Variants in TRIM67 observed in about 807,000 individuals in gnomAD.
TRIM67 encodes tripartite motif containing 67, also known as tripartite motif-containing protein 67.
A neutral mutation model predicts 71.0 loss-of-function variants in TRIM67; 39 were observed. The observed-to-expected ratio is 0.55, with a 90% CI of 0.43 to 0.72. The LOEUF (loss-of-function observed/expected upper bound fraction) is 0.72, where lower values mean the gene tolerates loss of function less well. Among genes scored for constraint, TRIM67 ranks in the 30% least tolerant of loss-of-function variants. The pLI is 0.00. For synonymous variants in TRIM67, 481 were observed against 473.9 expected, an observed-to-expected ratio of 1.01 and a Z score of -0.19; for missense variants, 973 against 1,079.2, an observed-to-expected ratio of 0.90 and a Z score of 1.38.
In TRIM67 at chr1:231,163,989, G is replaced by A. The variant is rs1682380895; in HGVS notation, c.1020G>A (p.Leu340=). The A allele has an allele frequency of 1.3e-6, 2 of 1,569,698 alleles. No homozygotes were observed. Residue 340 remains leucine, a synonymous_variant, in exon 1 of 10, where the codon CTG becomes CTA. Coordinates refer to ENST00000366653, the MANE Select transcript of TRIM67 (RefSeq NM_001004342.5). ...ACGCCAAGCACGAGGTGAAGCCGCT[G>A]GGGGCCATGTGGAAGCAGCACAAGG... is the stretch of plus-strand genomic sequence containing the variant. ...GRHAKHEVKP[L]GAMWKQHKAQ...
chr1:231,185,956 G>A (rs758193014), intron 1 of TRIM67: 25 of 773,866 alleles, frequency 3.2e-5, no homozygotes, highest in Admixed American at 2.3e-4. Context: ...CGTGACAGCC[G>A]GGACAAGGGC....
At chr1:231,208,410 G>A (rs966986316) in intron 7 of TRIM67, among the ~76,000 whole-genome samples, 16 of 152,008 alleles carry the variant, frequency 1.1e-4, no homozygotes, top group African/African-American at 3.6e-4. Flanking sequence ...TCCTGACCTC[G>A]TGATCCTCCC....
At position 231,163,877 on chromosome 1, in the gene TRIM67, G is replaced by A; in HGVS notation, c.908G>A (p.Cys303Tyr). 1 of 1,576,146 alleles carries A rather than the reference G, an allele frequency of 6.3e-7. No homozygotes were observed. ...AGCACGGCCCGCAAGTTCCCCACGT[G>A]TCCCGAGCATGAAATGGAGAACTAC... is the stretch of plus-strand genomic sequence containing the variant. ...GGSTARKFPT[C>Y]PEHEMENYSM... Residue 303 changes from cysteine to tyrosine, a missense_variant, in exon 1 of 10, where the codon TGT becomes TAT. Around this residue, in one of 2 missense-constraint regions of TRIM67, gnomAD observed 795 missense variants for 831.3 expected, o/e 0.96. Coordinates refer to ENST00000366653, the MANE Select transcript of TRIM67 (RefSeq NM_001004342.5).
intron 1 of TRIM67, among the ~76,000 whole-genome samples, chr1:231,169,337 G>A (rs971348366): frequency 6.7e-6 from 1 of 148,888 alleles, no homozygotes; most frequent in Admixed American, 6.7e-5. Flanking sequence ...TTACAGGTGT[G>A]AGCCACTGCA....
At chr1:231,202,440 G>A (rs1683580646) in intron 5 of TRIM67, among the ~76,000 whole-genome samples, 1 of 152,148 alleles carries the variant, frequency 6.6e-6, no homozygotes, top group Admixed American at 6.5e-5. Context: ...GAAGGTCAGA[G>A]GTGAGAGCAG....
rs539363154 is a variant in TRIM67 at position 231,218,495 on chromosome 1, C to A, written c.*3055C>A. On this transcript the variant is annotated 3_prime_UTR_variant, in exon 10 of 10. Coordinates refer to ENST00000366653, the MANE Select transcript of TRIM67 (RefSeq NM_001004342.5). Reference sequence around the variant, plus strand: ...TATGCCTTTTCCTTTTAAAATTAATCTCTTCCGAAAATATCCACTAGCACC... The same window carrying A: ...TATGCCTTTTCCTTTTAAAATTAATATCTTCCGAAAATATCCACTAGCACC... 1.8e-5 allele frequency: 18 copies of A among 985,456 alleles called. No homozygotes were observed. The East Asian group carries it at 1.2e-3, about 68-fold the overall frequency. The allele number at this position is 985,456 out of a possible 1,614,324, so 61.0% of individuals were successfully genotyped here.
chr1:231,185,642 G>A (rs1025517776), intron 1 of TRIM67, among the ~76,000 whole-genome samples: 1 of 151,946 alleles, frequency 6.6e-6, no homozygotes, highest in Non-Finnish European at 1.5e-5. Context: ...CACGAAATCA[G>A]TGAATTCAGA....
rs376677883 is a variant in TRIM67 at position 231,163,449 on chromosome 1, G to T, written c.480G>T (p.Pro160=). 3 of 1,539,724 alleles carry T rather than the reference G, an allele frequency of 1.9e-6. No homozygotes were observed. Among genetic ancestry groups the T allele is most frequent in the South Asian group, 1.2e-5 (1 of 83,090 alleles). ...CGTCTTCGAGCTCCATCACGTGCCC[G>T]CAGTGCCACCGCAGCGCATCCCTGG... ...LSSSSSSITC[P]QCHRSASLDH... The change falls in exon 1 of 10, where the codon CCG becomes CCT. Residue 160 remains proline (P), a synonymous_variant. Transcript: ENST00000366653.
chr1:231,184,677 A>G, intron 1 of TRIM67: 1 of 345,010 alleles, frequency 2.9e-6, no homozygotes, highest in East Asian at 6.5e-5. Flanking sequence ...ATAGAGGATA[A>G]TGGAAGGTCA....
chr1:231,165,212 C>T (rs1190870303), intron 1 of TRIM67, among the ~76,000 whole-genome samples: 1 of 152,150 alleles, frequency 6.6e-6, no homozygotes, highest in African/African-American at 2.4e-5. Flanking sequence ...CACAGGAAAA[C>T]TCCCCAAAAC....
Position 231,163,672 on chromosome 1 carries a change from C to T in TRIM67, c.703C>T (p.Gln235Ter), listed in dbSNP as rs1345697560. Residue 235 changes from glutamine (Q) to a stop codon, truncating the protein, a stop_gained, in exon 1 of 10, where the codon CAG becomes TAG. Transcript: ENST00000366653. LOFTEE classifies it high-confidence loss of function. ...QCDVLYCSACQLKCHPSRGPF... is the reference protein window; with the variant it reads ...QCDVLYCSAC Reference sequence around the variant, plus strand: ...CGACGTCCTCTACTGCTCTGCCTGCCAGCTCAAGTGCCATCCATCCCGGGG... The same window carrying T: ...CGACGTCCTCTACTGCTCTGCCTGCTAGCTCAAGTGCCATCCATCCCGGGG... 2.6e-6 allele frequency: 4 copies of T among 1,517,298 alleles called. No homozygotes were observed. The highest frequency in any genetic ancestry group is 3.5e-6 in the Non-Finnish European group (4 of 1,134,334). 94.0% of individuals were successfully genotyped at this position (1,517,298 alleles called of 1,614,324 possible). A position where few individuals can be genotyped will look rare whatever the true frequency, so the allele number is the denominator to read the frequency against.
At chr1:231,207,737 A>T (rs767001017) in intron 7 of TRIM67, among the ~76,000 whole-genome samples, 3 of 152,162 alleles carry the variant, frequency 2.0e-5, no homozygotes, top group Non-Finnish European at 2.9e-5. Context: ...GTCACTTTGT[A>T]CACCCCTAGA....
At chr1:231,165,616 A>G (rs1682439160) in intron 1 of TRIM67, among the ~76,000 whole-genome samples, 1 of 152,218 alleles carries the variant, frequency 6.6e-6, no homozygotes, top group African/African-American at 2.4e-5. Context: ...TGAGTCCTAA[A>G]ATAGCTTTGA....
At chr1:231,208,071 A>C (rs1558306771) in intron 7 of TRIM67, among the ~76,000 whole-genome samples, 1 of 146,978 alleles carries the variant, frequency 6.8e-6, no homozygotes, top group Non-Finnish European at 1.5e-5. Context: ...GTGCAATGGC[A>C]CAATCTTGGC....
chr1:231,203,519 A>T (rs1177168679), intron 5 of TRIM67, among the ~76,000 whole-genome samples: 1 of 152,100 alleles, frequency 6.6e-6, no homozygotes, highest in African/African-American at 2.4e-5. Flanking sequence ...TGCGTTCCTC[A>T]TGAGTCTGAG....
chr1:231,199,226 T>C lies in TRIM67; in HGVS notation c.1263+57T>C, dbSNP rs1378083144. On this transcript the variant is annotated intron_variant, in intron 3 of 9. Coordinates refer to ENST00000366653, the MANE Select transcript of TRIM67 (RefSeq NM_001004342.5). ...CCTGCCACATCCTCTGCACCCAGCGTGGGGTGGAGCACAGAGTAGGCACTG... is the reference window on the plus strand; with the variant it reads ...CCTGCCACATCCTCTGCACCCAGCGCGGGGTGGAGCACAGAGTAGGCACTG... 5.8e-6 allele frequency: 9 copies of C among 1,558,526 alleles called. No individual in the cohort carries two copies. In the African/African-American group the frequency reaches 9.5e-5, roughly 16 times the overall value.
At chr1:231,207,934 C>A (rs1025514070) in intron 7 of TRIM67, among the ~76,000 whole-genome samples, 4 of 151,964 alleles carry the variant, frequency 2.6e-5, no homozygotes, top group Non-Finnish European at 5.9e-5. Context: ...GTGATTTTGG[C>A]CACATCACTT....
intron 1 of TRIM67, among the ~76,000 whole-genome samples, chr1:231,178,719 G>C (rs1682821915): frequency 6.6e-6 from 1 of 152,234 alleles, no homozygotes; most frequent in Non-Finnish European, 1.5e-5. Flanking sequence ...ATAATGGAAA[G>C]ATGATTGGAA....
Position 231,217,910 on chromosome 1 carries a change from C to T in TRIM67, c.*2470C>T. ...AAGTTCCCTGAAGTCCAGAGAGGTG[C>T]AGCCAGGACTCCCTCCTCCCCACTG... On this transcript the variant is annotated 3_prime_UTR_variant, in exon 10 of 10. Transcript: ENST00000366653. 7.8e-7 allele frequency: 1 copy of T among 1,286,776 alleles called. No homozygotes were observed. 79.7% of individuals were successfully genotyped at this position (1,286,776 alleles called of 1,614,324 possible). A position where few individuals can be genotyped will look rare whatever the true frequency, so the allele number is the denominator to read the frequency against.
Sources: allele counts gnomAD v4.1 joint callset (sites outside exome capture counted in the v4.1 genomes callset), GRCh38; gene constraint gnomAD v4.1.1; regional missense constraint gnomAD v4.1.1; transcripts MANE v1.5; gene names NCBI Gene and HGNC (gene_info 2026-07-23, HGNC 2026-07-21).